Variants in ERBIN observed in about 807,000 individuals in gnomAD.
The protein encoded by ERBIN is erbb2 interacting protein.
A neutral mutation model predicts 158.4 loss-of-function variants in ERBIN; 60 were observed. The observed-to-expected ratio is 0.38, with a 90% CI of 0.31 to 0.47. ERBIN has a LOEUF of 0.47. Among genes scored for constraint, ERBIN ranks in the 20% least tolerant of loss-of-function variants. ERBIN has a pLI of 0.99. For missense variants in ERBIN, 1,610 were observed against 1,648.0 expected (o/e 0.98, Z 0.40); for synonymous variants, 594 against 557.2 (o/e 1.07, Z -0.93).
chr5:66,016,591 A>C (rs1374906814), intron 7 of ERBIN, among the ~76,000 whole-genome samples: 1 of 147,274 alleles, frequency 6.8e-6, no homozygotes, highest in East Asian at 2.0e-4. Context: ...GCTAATCACC[A>C]TTCTACTCTT....
chr5:66,011,957 A>G, intron 4 of ERBIN, 92 bp from the exon 5 acceptor site: 2 of 708,776 alleles, frequency 2.8e-6, no homozygotes. Flanking sequence ...TTGGTATATT[A>G]CTTTAGAATC....
At chr5:65,937,630 CG>C (rs1349252014) in intron 1 of ERBIN, among the ~76,000 whole-genome samples, 2 of 152,042 alleles carry the variant, frequency 1.3e-5, no homozygotes, top group Non-Finnish European at 2.9e-5. Flanking sequence ...AATTCTTGGC[CG>C]GGTGCGGTGG....
chr5:65,953,646 T>C (rs919509227), intron 1 of ERBIN, among the ~76,000 whole-genome samples: 6 of 152,218 alleles, frequency 3.9e-5, no homozygotes, highest in South Asian at 2.1e-4. Flanking sequence ...AGATTTGATA[T>C]CAATTATTTG....
chr5:66,057,723 C>A (rs1759770542), intron 21 of ERBIN, among the ~76,000 whole-genome samples: 2 of 135,416 alleles, frequency 1.5e-5, no homozygotes, highest in South Asian at 2.6e-4. Context: ...CACAACAGTC[C>A]CCAGTGTGTG....
At position 66,068,306 on chromosome 5, in the gene ERBIN, C is replaced by T. The variant is rs111569226; in HGVS notation, c.3634-3863C>T. Among the ~76,000 whole-genome samples the T allele has an allele frequency of 3.8e-4, 57 of 151,508 alleles. 3 individuals are homozygous for T. Among genetic ancestry groups the T allele is most frequent in the African/African-American group, 1.2e-3 (48 of 41,304 alleles). ...GAGCCAGGAGCTTGCTATTGTACTC[C>T]GGACTGGGAGTCTACCTCTTAAAAA... is the stretch of plus-strand genomic sequence containing the variant. On this transcript the variant is annotated intron_variant, in intron 21 of 25. Coordinates refer to ENST00000284037, the MANE Select transcript of ERBIN (RefSeq NM_001253697.2).
rs568354837 is a variant in ERBIN at position 65,975,718 on chromosome 5, C to A, written c.-57-12917C>A. On this transcript the variant is annotated intron_variant, in intron 1 of 25. Coordinates refer to ENST00000284037, the MANE Select transcript of ERBIN (RefSeq NM_001253697.2). ...CTTGATAGAATAATTGAAGTCAGTG[C>A]ATGTGGACAACTTGTTTGAGGAATT... is the stretch of plus-strand genomic sequence containing the variant. Among the ~76,000 whole-genome samples the A allele has an allele frequency of 1.3e-3, 191 of 152,304 alleles. 1 individual carries two copies. Among genetic ancestry groups the A allele is most frequent in the African/African-American group, 4.4e-3 (182 of 41,558 alleles).
intron 1 of ERBIN, among the ~76,000 whole-genome samples, chr5:65,945,955 A>G (rs1162703589): frequency 6.6e-6 from 1 of 152,250 alleles, no homozygotes; most frequent in Non-Finnish European, 1.5e-5. Flanking sequence ...GAATAGTTCC[A>G]TCATCCCAAG....
At chr5:66,061,319 TC>T (rs1358339453) in intron 21 of ERBIN, among the ~76,000 whole-genome samples, 3 of 152,206 alleles carry the variant, frequency 2.0e-5, no homozygotes, top group Non-Finnish European at 2.9e-5. Context: ...ACTCTTTTGA[TC>T]TTTGTTGGTT....
chr5:65,937,864 G>C (rs910227933), intron 1 of ERBIN, among the ~76,000 whole-genome samples: 1 of 152,174 alleles, frequency 6.6e-6, no homozygotes, highest in Non-Finnish European at 1.5e-5. Context: ...AGCCGAGATC[G>C]TGCCACTGCA....
intron 21 of ERBIN, among the ~76,000 whole-genome samples, chr5:66,065,064 G>C (rs924407869): frequency 6.6e-6 from 1 of 152,074 alleles, no homozygotes; most frequent in African/African-American, 2.4e-5. Flanking sequence ...TTGTGGTATA[G>C]TATAAAAGTT....
At position 66,079,140 on chromosome 5, in the gene ERBIN, G is replaced by A. The variant is rs994410582; in HGVS notation, c.*610G>A. On this transcript the variant is annotated 3_prime_UTR_variant, in exon 26 of 26. Coordinates refer to ENST00000284037, the MANE Select transcript of ERBIN (RefSeq NM_001253697.2). ...AAAGAATGGGGATGGGGAGAGCTAC[G>A]TGGTAGTATGTTTTTATTAGGAGAA... The A allele has an allele frequency of 6.6e-6, 1 of 152,646 alleles. No homozygotes were observed. The highest frequency in any genetic ancestry group is 1.9e-4 in the East Asian group (1 of 5,196). 9.5% of individuals were successfully genotyped at this position (152,646 alleles called of 1,614,324 possible).
At chr5:66,056,889 C>G (rs556093889) in intron 21 of ERBIN, among the ~76,000 whole-genome samples, 2 of 152,216 alleles carry the variant, frequency 1.3e-5, no homozygotes, top group African/African-American at 4.8e-5. Flanking sequence ...TAGCAAATAC[C>G]AAAGTATATA....
At chr5:66,040,572 C>A (rs1241381521) in intron 15 of ERBIN, among the ~76,000 whole-genome samples, 1 of 150,948 alleles carries the variant, frequency 6.6e-6, no homozygotes, top group African/African-American at 2.4e-5. Context: ...CCTAAAGTAT[C>A]CCATGGGTAT....
In ERBIN at chr5:65,971,780, C is replaced by T. The variant is rs116457158; in HGVS notation, c.-57-16855C>T. ...CTAAATGCAGGGACAGACTTGCTAT[C>T]TTTCAGTCCCACTTACATATCCTGG... On this transcript the variant is annotated intron_variant, in intron 1 of 25. Coordinates refer to ENST00000284037, the MANE Select transcript of ERBIN (RefSeq NM_001253697.2). Among the ~76,000 whole-genome samples the T allele has an allele frequency of 5.7e-3, 866 of 152,336 alleles. 7 individuals carry two copies. The highest frequency in any genetic ancestry group is 0.02 in the African/African-American group (812 of 41,578).
At chr5:65,939,809 G>T (rs1744600770) in intron 1 of ERBIN, among the ~76,000 whole-genome samples, 1 of 152,088 alleles carries the variant, frequency 6.6e-6, no homozygotes, top group Non-Finnish European at 1.5e-5. Context: ...TCGGCCTCCC[G>T]AGGTGCCGGG....
chr5:66,008,093 A>G (rs943350308), intron 4 of ERBIN, among the ~76,000 whole-genome samples: 22 of 152,320 alleles, frequency 1.4e-4, no homozygotes, highest in African/African-American at 5.1e-4. Flanking sequence ...ACCACATGCT[A>G]TGGAATAAAG....
At position 66,081,292 on chromosome 5, in the gene ERBIN, AAATTCCCTAC is replaced by A. The variant is rs1561470768; in HGVS notation, c.*2764_*2773del. 1 of 152,050 alleles carries A rather than the reference AAATTCCCTAC, an allele frequency of 6.6e-6. No individual in the cohort carries two copies. The highest frequency in any genetic ancestry group is 6.5e-5 in the Admixed American group (1 of 15,284). 9.4% of individuals were successfully genotyped at this position (152,050 alleles called of 1,614,324 possible). ...CTTCATCTGAATCAATGAAATTCTA[AAATTCCCTAC>A]ATATTTATTTTGTAAATATTCTTCT... On this transcript the variant is annotated 3_prime_UTR_variant, in exon 26 of 26. Coordinates refer to ENST00000284037, the MANE Select transcript of ERBIN (RefSeq NM_001253697.2).
At chr5:65,987,916 A>G (rs1249215273) in intron 1 of ERBIN, among the ~76,000 whole-genome samples, 1 of 152,126 alleles carries the variant, frequency 6.6e-6, no homozygotes, top group East Asian at 1.9e-4. Flanking sequence ...ACATAGAACT[A>G]TGAAAAATTA....
rs758322797 is a variant in ERBIN, at chr5:66,054,815, G to A, written c.3497G>A (p.Arg1166Gln). The change falls in exon 21 of 26, where the codon CGG (arginine) becomes CAG (glutamine). Residue 1166 changes from arginine (R) to glutamine (Q), a missense_variant. This residue lies in a region of ERBIN where 1,014 missense variants were observed against 936.1 expected (regional missense o/e 1.08). Transcript: ENST00000284037. ...TMSVSDFNYS[R>Q]TSPSKRPNAR... The stretch of plus-strand genomic sequence containing the variant: ...TCAGTTAGTGATTTCAATTATTCAC[G>A]GACTAGTCCTTCAAAAAGACCAAAT... 29 of 1,613,896 alleles carry A rather than the reference G, an allele frequency of 1.8e-5. No homozygotes were observed. The highest frequency in any genetic ancestry group is 1.8e-4 in the South Asian group (16 of 91,080).
Sources: allele counts gnomAD v4.1 joint callset (sites outside exome capture counted in the v4.1 genomes callset), GRCh38; gene constraint gnomAD v4.1.1; regional missense constraint gnomAD v4.1.1; transcripts MANE v1.5; gene names NCBI Gene and HGNC (gene_info 2026-07-23, HGNC 2026-07-21).